ASH1L: variants seen among roughly 807,000 people sequenced by gnomAD.
ASH1L encodes the protein ASH1 like histone lysine methyltransferase, also known as histone-lysine N-methyltransferase ASH1L.
Under a neutral mutation model 269.0 loss-of-function variants are expected in ASH1L, and 23 were observed. That is an observed-to-expected ratio of 0.09 (90% CI 0.06 to 0.12). The LOEUF is 0.12. ASH1L is among the 10% of genes least tolerant of loss of function. The pLI is 1.00. For synonymous variants in ASH1L, 1,187 were observed against 1,253.5 expected (o/e 0.95, Z 1.12); for missense variants, 2,912 against 3,567.8 (o/e 0.82, Z 4.68).
At chr1:155,351,287 C>T (rs1454402443) in intron 17 of ASH1L, among the ~76,000 whole-genome samples, 2 of 151,674 alleles carry the variant, frequency 1.3e-5, no homozygotes, top group Admixed American at 6.6e-5. Context: ...CAGTGGCTCA[C>T]GCCTGTAATC....
At chr1:155,370,708 C>A in intron 11 of ASH1L, 58 bp from the exon 12 acceptor site, 3 of 1,611,612 alleles carry the variant, frequency 1.9e-6, no homozygotes, top group Non-Finnish European at 2.5e-6. Context: ...GTAAATTTCA[C>A]ATCTTCCATT....
chr1:155,469,134 G>C (rs1338370269), intron 3 of ASH1L, among the ~76,000 whole-genome samples: 1 of 151,678 alleles, frequency 6.6e-6, no homozygotes, highest in African/African-American at 2.4e-5. Context: ...TCCACTTTCA[G>C]TACTTACCTA....
chr1:155,336,228 A>T lies in ASH1L; in HGVS notation c.*1432T>A, dbSNP rs2148299468. 6.5e-6 allele frequency: 1 copy of T among 152,758 alleles called. No individual in the cohort carries two copies. Among genetic ancestry groups the T allele is most frequent in the East Asian group, 1.9e-4 (1 of 5,318 alleles). 9.5% of individuals were successfully genotyped at this position (152,758 alleles called of 1,614,324 possible). A position where few individuals can be genotyped will look rare whatever the true frequency, so the allele number is the denominator to read the frequency against. On this transcript the variant is annotated 3_prime_UTR_variant, in exon 28 of 28. Coordinates refer to ENST00000392403, the MANE Select transcript of ASH1L (RefSeq NM_018489.3). The stretch of plus-strand genomic sequence containing the variant: ...TGTGTCTACCTAAACGAGTCAGAGC[A>T]TCGTCACCATAAGGGGAAATGTACA...
At chr1:155,352,977 T>C (rs1654062590) in intron 16 of ASH1L, 119 bp from the exon 17 acceptor site, 2 of 884,058 alleles carry the variant, frequency 2.3e-6, no homozygotes, top group Admixed American at 3.2e-5. Flanking sequence ...GGTAGATTAG[T>C]GGGCACAGAG....
intron 15 of ASH1L, among the ~76,000 whole-genome samples, chr1:155,355,811 G>T (rs1400844444): frequency 1.3e-5 from 2 of 151,712 alleles, no homozygotes; most frequent in African/African-American, 4.8e-5. Context: ...TCACTTGTTT[G>T]CTTCTGAAAG....
intron 1 of ASH1L, among the ~76,000 whole-genome samples, chr1:155,532,952 T>C (rs1017967798): frequency 9.3e-6 from 1 of 107,548 alleles, no homozygotes. Flanking sequence ...TGTGTGTGTA[T>C]ATATATATGG....
intron 6 of ASH1L, among the ~76,000 whole-genome samples, chr1:155,404,935 G>A (rs1304102619): frequency 1.3e-5 from 2 of 151,900 alleles, no homozygotes; most frequent in African/African-American, 2.4e-5. Context: ...GGCTGAGGCA[G>A]GAGAATCGCT....
intron 2 of ASH1L, among the ~76,000 whole-genome samples, chr1:155,489,834 A>ATAAATAAATAAATAAG: frequency 6.6e-6 from 1 of 150,498 alleles, no homozygotes; most frequent in Admixed American, 6.6e-5. Context: ...AAATAAATAA[A>ATAAATAAATAAATAAG]TAACAATATG....
At chr1:155,551,654 C>T (rs1407565198) in intron 1 of ASH1L, among the ~76,000 whole-genome samples, 3 of 132,886 alleles carry the variant, frequency 2.3e-5, no homozygotes, top group East Asian at 2.1e-4. Context: ...AGCGAGACTC[C>T]GTCTCAAAAA....
chr1:155,361,518 CAAAAAAAAA>C (rs1161207568), intron 12 of ASH1L, among the ~76,000 whole-genome samples: 10 of 36,382 alleles, frequency 2.7e-4, no homozygotes, highest in African/African-American at 1.0e-3. Flanking sequence ...CTCCATCTCA[CAAAAAAAAA>C]AAAAAAAAAA....
intron 1 of ASH1L, among the ~76,000 whole-genome samples, chr1:155,556,625 T>A (rs761316757): frequency 6.6e-6 from 1 of 152,022 alleles, no homozygotes; most frequent in Non-Finnish European, 1.5e-5. Context: ...ATATTTTTAG[T>A]AGAGACGGGG....
At chr1:155,433,571 C>T (rs1661795288) in intron 5 of ASH1L, 5 of 1,610,768 alleles carry the variant, frequency 3.1e-6, no homozygotes, top group Non-Finnish European at 4.2e-6. Context: ...GAAGCTGGAG[C>T]AAAACCCGCA....
At chr1:155,381,278 G>C (rs1047286050) in intron 7 of ASH1L, among the ~76,000 whole-genome samples, 1 of 152,082 alleles carries the variant, frequency 6.6e-6, no homozygotes, top group South Asian at 2.1e-4. Flanking sequence ...TCCTTGGCTG[G>C]GTGCAGTGGC....
At chr1:155,523,000 T>C (rs1668992132) in intron 1 of ASH1L, among the ~76,000 whole-genome samples, 1 of 151,946 alleles carries the variant, frequency 6.6e-6, no homozygotes, top group African/African-American at 2.4e-5. Flanking sequence ...CAGAGACTAG[T>C]GAATATATTA....
At chr1:155,543,695 G>A (rs1048894236) in intron 1 of ASH1L, among the ~76,000 whole-genome samples, 2 of 151,922 alleles carry the variant, frequency 1.3e-5, no homozygotes, top group African/African-American at 2.4e-5. Context: ...ACTCTGGGAG[G>A]CTGAGGTGGG....
At chr1:155,454,539 G>A (rs1162531480) in intron 4 of ASH1L, among the ~76,000 whole-genome samples, 1 of 152,076 alleles carries the variant, frequency 6.6e-6, no homozygotes, top group Non-Finnish European at 1.5e-5. Flanking sequence ...AGGCCGAGGT[G>A]GGCTGATTAC....
At chr1:155,543,802 T>C (rs1030047407) in intron 1 of ASH1L, among the ~76,000 whole-genome samples, 7 of 151,742 alleles carry the variant, frequency 4.6e-5, no homozygotes, top group African/African-American at 7.3e-5. Flanking sequence ...CCTGGTGATA[T>C]GCACCTGTAG....
intron 2 of ASH1L, among the ~76,000 whole-genome samples, chr1:155,501,501 G>A (rs1667498999): frequency 1.3e-5 from 2 of 152,074 alleles, no homozygotes; most frequent in Non-Finnish European, 2.9e-5. Flanking sequence ...CCTCCAAGTA[G>A]CTGGGACTAC....
intron 7 of ASH1L, among the ~76,000 whole-genome samples, chr1:155,390,177 G>C (rs553604944): frequency 6.6e-6 from 1 of 151,760 alleles, no homozygotes; most frequent in Admixed American, 6.6e-5. Context: ...CTCACTATAG[G>C]TCCTAGACTC....
Sources: allele counts gnomAD v4.1 joint callset (sites outside exome capture counted in the v4.1 genomes callset), GRCh38; gene constraint gnomAD v4.1.1; transcripts MANE v1.5; gene names NCBI Gene and HGNC (gene_info 2026-07-23, HGNC 2026-07-21).